The following SGCZ variants were observed in gnomAD, a reference collection of about 807,000 sequenced individuals.
SGCZ encodes zeta-sarcoglycan.
A neutral mutation model predicts 41.3 loss-of-function variants in SGCZ; 40 were observed. The ratio of observed to expected loss-of-function variants is 0.97; its 90% CI spans 0.75 to 1.26. SGCZ has a LOEUF of 1.26. SGCZ is among the 50% of genes most tolerant of loss of function. The pLI, the probability that SGCZ is intolerant of heterozygous loss-of-function variation, is 0.00. For missense variants in SGCZ, 552 were observed against 369.8 expected (o/e 1.49, Z -4.04); for synonymous variants, 206 against 137.5 (o/e 1.50, Z -3.49).
At chr8:14,514,263 C>T (rs1802547998) in intron 2 of SGCZ, among the ~76,000 whole-genome samples, 1 of 152,004 alleles carries the variant, frequency 6.6e-6, no homozygotes, top group Non-Finnish European at 1.5e-5. Flanking sequence ...TCAGAGATGT[C>T]TTCAAATGGA....
chr8:14,643,002 AT>A (rs1004808482), intron 1 of SGCZ, among the ~76,000 whole-genome samples: 12 of 151,568 alleles, frequency 7.9e-5, no homozygotes, highest in African/African-American at 2.9e-4. Context: ...GCTGAATAGT[AT>A]TTTTTAAATG....
intron 3 of SGCZ, among the ~76,000 whole-genome samples, chr8:14,307,572 A>G (rs1801388761): frequency 6.6e-6 from 1 of 152,112 alleles, no homozygotes; most frequent in Non-Finnish European, 1.5e-5. Context: ...ACAGGGCACT[A>G]AAATTGCGGC....
chr8:14,993,260 T>A (rs1298604154), intron 1 of SGCZ, among the ~76,000 whole-genome samples: 1 of 152,160 alleles, frequency 6.6e-6, no homozygotes, highest in Non-Finnish European at 1.5e-5. Context: ...GTCCGTTGTA[T>A]GTATTTTATT....
chr8:14,331,521 C>G (rs1802321959), intron 2 of SGCZ, among the ~76,000 whole-genome samples: 1 of 152,002 alleles, frequency 6.6e-6, no homozygotes, highest in African/African-American at 2.4e-5. Flanking sequence ...TTTTAATTGG[C>G]CTCCCTGTAT....
rs181803234 is a variant in SGCZ, at chr8:14,590,293, G to C, written c.40-35367C>G. ...CATAAATTCCTTAGCACATAAACAG[G>C]AGTTAAAGAAAAAATTATAAAGAAG... On this transcript the variant is annotated intron_variant, in intron 1 of 7. Coordinates refer to ENST00000382080, the MANE Select transcript of SGCZ (RefSeq NM_139167.4). 1.3e-5 allele frequency among the ~76,000 whole-genome samples: 2 copies of C among 152,014 alleles called. 1 individual carries two copies. The highest frequency in any genetic ancestry group is 1.3e-4 in the Admixed American group (2 of 15,266).
chr8:14,805,566 C>G (rs1218817775), intron 1 of SGCZ, among the ~76,000 whole-genome samples: 2 of 133,480 alleles, frequency 1.5e-5, no homozygotes, highest in Admixed American at 8.3e-5. Context: ...ACAGGAGCAC[C>G]CAGATTCATA....
In SGCZ at chr8:14,237,587, C is replaced by T; in HGVS notation, c.424+5G>A. On this transcript the variant is annotated splice_donor_5th_base_variant and intron_variant, in intron 4 of 7. Transcript: ENST00000382080. ...TAGGAGCAATCTTTACCCCAAAACACTCACCTATGGTCAGCTGTCCGGTTA... is the reference window on the plus strand; with the variant it reads ...TAGGAGCAATCTTTACCCCAAAACATTCACCTATGGTCAGCTGTCCGGTTA... The T allele has an allele frequency of 6.2e-7, 1 of 1,613,024 alleles. No homozygotes were observed. Among genetic ancestry groups the T allele is most frequent in the Non-Finnish European group, 8.5e-7 (1 of 1,179,380 alleles).
chr8:14,249,907 A>G (rs911823964), intron 3 of SGCZ, among the ~76,000 whole-genome samples: 1 of 152,228 alleles, frequency 6.6e-6, no homozygotes, highest in African/African-American at 2.4e-5. Context: ...AAATCAAAAG[A>G]GTAAGTATAT....
intron 4 of SGCZ, among the ~76,000 whole-genome samples, chr8:14,182,486 G>A (rs948283313): frequency 6.6e-6 from 1 of 152,120 alleles, no homozygotes; most frequent in African/African-American, 2.4e-5. Context: ...TGCCCTGTAT[G>A]GAAGCCTTAC....
chr8:14,354,265 A>T (rs1256784299), intron 2 of SGCZ, among the ~76,000 whole-genome samples: 1 of 152,020 alleles, frequency 6.6e-6, no homozygotes, highest in Admixed American at 6.6e-5. Context: ...ATGACTGATT[A>T]GTCAGTACTG....
rs905531239 is a variant in SGCZ at position 14,720,997 on chromosome 8, T to A, written c.40-166071A>T. 2.0e-5 allele frequency among the ~76,000 whole-genome samples: 3 copies of A among 151,406 alleles called. No homozygotes were observed. The East Asian group carries it at 5.9e-4, about 30-fold the overall frequency. On this transcript the variant is annotated intron_variant, in intron 1 of 7. Coordinates refer to ENST00000382080, the MANE Select transcript of SGCZ (RefSeq NM_139167.4). ...AATAAGTTCTTAACTTACTGACCTG[T>A]ATCAGCAGCATTTAACATAGCAGAC...
chr8:14,494,378 T>C (rs1192310686), intron 2 of SGCZ, among the ~76,000 whole-genome samples: 1 of 152,080 alleles, frequency 6.6e-6, no homozygotes, highest in Non-Finnish European at 1.5e-5. Flanking sequence ...TTTCCAAGAG[T>C]GACAGAATGT....
At chr8:14,927,195 G>A (rs1035689982) in intron 1 of SGCZ, among the ~76,000 whole-genome samples, 1 of 131,720 alleles carries the variant, frequency 7.6e-6, no homozygotes, top group Admixed American at 9.1e-5. Flanking sequence ...TGCAAGCTCC[G>A]CCTCCGAGGT....
intron 2 of SGCZ, among the ~76,000 whole-genome samples, chr8:14,478,384 A>T (rs183018412): frequency 1.3e-5 from 2 of 152,360 alleles, no homozygotes; most frequent in Admixed American, 1.3e-4. Flanking sequence ...ATAAAAATAC[A>T]TGAAGGAATC....
chr8:15,231,228 G>T (rs1174289718), intron 1 of SGCZ, among the ~76,000 whole-genome samples: 1 of 152,128 alleles, frequency 6.6e-6, no homozygotes, highest in Non-Finnish European at 1.5e-5. Context: ...CTGGCTGGAT[G>T]CTAAAATCCT....
intron 1 of SGCZ, among the ~76,000 whole-genome samples, chr8:14,651,684 T>C (rs1585155418): frequency 6.6e-6 from 1 of 152,220 alleles, no homozygotes; most frequent in East Asian, 1.9e-4. Flanking sequence ...CTTATTCTCT[T>C]CTTGAGACTT....
chr8:14,476,044 A>C (rs1205038918), intron 2 of SGCZ, among the ~76,000 whole-genome samples: 1 of 151,882 alleles, frequency 6.6e-6, no homozygotes, highest in African/African-American at 2.4e-5. Context: ...GGCCTCAAGC[A>C]AATCTTCTAC....
intron 5 of SGCZ, among the ~76,000 whole-genome samples, chr8:14,119,684 T>C (rs141458196): frequency 0.043 from 6,529 of 152,280 alleles, 473 homozygotes; most frequent in African/African-American, 0.15. Flanking sequence ...TTCAGTATGA[T>C]ATTAGCTGTG....
intron 4 of SGCZ, among the ~76,000 whole-genome samples, chr8:14,199,627 C>A (rs116424155): frequency 1.3e-5 from 2 of 152,006 alleles, no homozygotes; most frequent in African/African-American, 2.4e-5. Context: ...ATGTCTCCCC[C>A]GGACACGCAG....
Sources: gnomAD v4.1 joint callset for allele counts (sites outside exome capture counted in the v4.1 genomes callset) on GRCh38, gnomAD v4.1.1 for gene constraint, MANE v1.5 for transcripts, NCBI Gene and HGNC (gene_info 2026-07-23, HGNC 2026-07-21) for gene names.